The following PTPN4 variants were observed in gnomAD, a reference collection of about 807,000 sequenced individuals.
The protein encoded by PTPN4 is protein tyrosine phosphatase non-receptor type 4.
A neutral mutation model predicts 135.5 loss-of-function variants in PTPN4; 49 were observed. The observed-to-expected ratio is 0.36, with a 90% confidence interval of 0.29 to 0.46. PTPN4 has a LOEUF of 0.46. Among genes scored for constraint, PTPN4 ranks in the 20% least tolerant of loss-of-function variants. PTPN4 has a pLI of 1.00. For missense variants in PTPN4, 860 were observed against 1,101.0 expected (o/e 0.78, Z 3.10); for synonymous variants, 333 against 369.9 (o/e 0.90, Z 1.14).
chr2:119,800,928 G>A (rs1691350806), intron 1 of PTPN4, among the ~76,000 whole-genome samples: 1 of 151,570 alleles, frequency 6.6e-6, no homozygotes. Flanking sequence ...TACTTCTGTC[G>A]TTACCAACAG....
In PTPN4 at chr2:119,834,009, CTT is replaced by C. The variant is rs548254251; in HGVS notation, c.138+24023_138+24024del. Among the ~76,000 whole-genome samples the C allele has an allele frequency of 9.2e-5, 14 of 152,236 alleles. No homozygotes were observed. The East Asian group carries it at 2.5e-3, about 27-fold the overall frequency. On this transcript the variant is annotated intron_variant, in intron 2 of 26. Coordinates refer to ENST00000263708, the MANE Select transcript of PTPN4 (RefSeq NM_002830.4). ...AATTGCTCGGTTATTTTTCCCCTCT[CTT>C]TTTTCCAGTGCCCACCTGTTTTCTG...
intron 9 of PTPN4, among the ~76,000 whole-genome samples, chr2:119,899,872 T>C (rs1678379121): frequency 6.6e-6 from 1 of 152,140 alleles, no homozygotes; most frequent in Non-Finnish European, 1.5e-5. Context: ...CATTAGAAGT[T>C]ATTGATACTA....
chr2:119,799,012 T>G (rs970669646), intron 1 of PTPN4, among the ~76,000 whole-genome samples: 1 of 152,250 alleles, frequency 6.6e-6, no homozygotes, highest in Non-Finnish European at 1.5e-5. Context: ...GGCTTCTCTC[T>G]GATCCAGTAA....
Position 119,952,124 on chromosome 2 carries a change from C to A in PTPN4, c.1808C>A (p.Pro603His). Residue 603 changes from proline (P) to histidine (H), a missense_variant, in exon 19 of 27, where the codon CCT (proline) becomes CAT (histidine). Physicochemically the swap from Pro to His is moderately conservative, Grantham distance 77. Around this residue, in one of 2 missense-constraint regions of PTPN4, gnomAD observed 684 missense variants for 807.0 expected, o/e 0.85. Transcript: ENST00000263708. ...GGGGAACTCATGCTTCTAGTTCGAC[C>A]TAATGGTGAGTACTCTATGTAGTAC... ...HSGELMLLVR[P>H]NAVYDVVEEK... is the part of the protein sequence containing the mutation. 1 of 1,611,068 alleles carries A rather than the reference C, an allele frequency of 6.2e-7. No individual in the cohort carries two copies. The highest frequency in any genetic ancestry group is 8.5e-7 in the Non-Finnish European group (1 of 1,177,802).
chr2:119,829,169 C>A (rs192210336), intron 2 of PTPN4, among the ~76,000 whole-genome samples: 20 of 152,118 alleles, frequency 1.3e-4, no homozygotes, highest in Admixed American at 1.2e-3. Flanking sequence ...AGGGATTTGT[C>A]CATTTCTTCT....
At chr2:119,947,317 C>CT (rs1362933898) in intron 18 of PTPN4, among the ~76,000 whole-genome samples, 3 of 152,050 alleles carry the variant, frequency 2.0e-5, no homozygotes, top group South Asian at 2.1e-4. Flanking sequence ...GCCAGCTATG[C>CT]TTTTTTTGGT....
chr2:119,928,122 T>C (rs1678851917), intron 13 of PTPN4, among the ~76,000 whole-genome samples: 1 of 152,226 alleles, frequency 6.6e-6, no homozygotes, highest in Non-Finnish European at 1.5e-5. Context: ...CCAAATTGTT[T>C]TAAACTATTT....
intron 8 of PTPN4, 150 bp from the exon 9 acceptor site, chr2:119,885,645 C>T: frequency 2.3e-6 from 1 of 442,744 alleles, no homozygotes. Flanking sequence ...AATGTGCCCT[C>T]CAGATAAGTT....
intron 8 of PTPN4, 44 bp downstream of exon 8, chr2:119,882,667 A>G: frequency 7.1e-7 from 1 of 1,404,650 alleles, no homozygotes; most frequent in Middle Eastern, 2.1e-4. Flanking sequence ...TCTTAATGGC[A>G]TTCTTTCTAG....
chr2:119,910,302 A>G (rs950724168), intron 10 of PTPN4, among the ~76,000 whole-genome samples: 2 of 152,148 alleles, frequency 1.3e-5, no homozygotes, highest in African/African-American at 4.8e-5. Context: ...AGACTACAGT[A>G]TAGTGTAACC....
chr2:119,975,621 A>G (rs1014310693), intron 26 of PTPN4, among the ~76,000 whole-genome samples: 15 of 152,122 alleles, frequency 9.9e-5, no homozygotes, highest in Admixed American at 7.9e-4. Context: ...GCTACTCCGG[A>G]GGCTGAGGCA....
chr2:119,976,511 G>T (rs150071195), intron 26 of PTPN4, among the ~76,000 whole-genome samples: 3 of 152,124 alleles, frequency 2.0e-5, no homozygotes, highest in Non-Finnish European at 2.9e-5. Context: ...CGACTAGCTA[G>T]TATTCCATTT....
At chr2:119,936,307 T>C (rs2105040828) in intron 15 of PTPN4, among the ~76,000 whole-genome samples, 1 of 152,230 alleles carries the variant, frequency 6.6e-6, no homozygotes, top group Non-Finnish European at 1.5e-5. Context: ...CGGCCTCACA[T>C]GTAAATTTTA....
intron 1 of PTPN4, among the ~76,000 whole-genome samples, chr2:119,765,802 A>G (rs1179575970): frequency 6.6e-6 from 1 of 152,194 alleles, no homozygotes; most frequent in Non-Finnish European, 1.5e-5. Context: ...AGCATATAGA[A>G]AAAGTCAAAG....
intron 2 of PTPN4, among the ~76,000 whole-genome samples, chr2:119,844,201 G>T (rs1375182226): frequency 8.0e-6 from 1 of 125,748 alleles, no homozygotes; most frequent in Non-Finnish European, 1.7e-5. Flanking sequence ...CGGGCAGAGG[G>T]GCTCCTCACT....
chr2:119,767,145 T>C (rs976532303), intron 1 of PTPN4, among the ~76,000 whole-genome samples: 1 of 152,216 alleles, frequency 6.6e-6, no homozygotes, highest in Non-Finnish European at 1.5e-5. Flanking sequence ...ACCTCGTGCT[T>C]GGCTCAGTAA....
At chr2:119,822,403 G>C (rs1282497111) in intron 2 of PTPN4, among the ~76,000 whole-genome samples, 2 of 136,080 alleles carry the variant, frequency 1.5e-5, no homozygotes, top group African/African-American at 5.6e-5. Flanking sequence ...CTGTTGCCCA[G>C]GCTGGAGTGC....
At chr2:119,779,939 C>CT (rs965333550) in intron 1 of PTPN4, among the ~76,000 whole-genome samples, 1 of 151,960 alleles carries the variant, frequency 6.6e-6, no homozygotes, top group Non-Finnish European at 1.5e-5. Flanking sequence ...AGAGACAGGA[C>CT]TTCGCCATGT....
chr2:119,911,834 A>G lies in PTPN4; in HGVS notation c.765-3345A>G, dbSNP rs889782555. Among the ~76,000 whole-genome samples the G allele has an allele frequency of 3.3e-5, 5 of 152,286 alleles. No homozygotes were observed. The South Asian group carries it at 6.2e-4, about 19-fold the overall frequency. ...TGACTGTATTATTATAATATATACA[A>G]TGGTCCAACCAGTCTAGAAAACTGT... On this transcript the variant is annotated intron_variant, in intron 10 of 26. Coordinates refer to ENST00000263708, the MANE Select transcript of PTPN4 (RefSeq NM_002830.4).
Sources: gnomAD v4.1 joint callset for allele counts (sites outside exome capture counted in the v4.1 genomes callset) on GRCh38, gnomAD v4.1.1 for gene constraint, gnomAD v4.1.1 regional missense constraint, MANE v1.5 for transcripts, NCBI Gene and HGNC (gene_info 2026-07-23, HGNC 2026-07-21) for gene names.